MBD3: variants seen among roughly 807,000 people sequenced by gnomAD.
MBD3 encodes the protein methyl-CpG binding domain protein 3.
Under a neutral mutation model 31.2 loss-of-function variants are expected in MBD3, and 13 were observed. The ratio of observed to expected loss-of-function variants is 0.42; its 90% CI spans 0.27 to 0.66. The LOEUF is 0.66. MBD3 is among the 30% of genes least tolerant of loss of function. The pLI is 0.26. For synonymous variants in MBD3, 223 were observed against 187.4 expected (o/e 1.19, Z -1.55); for missense variants, 440 against 426.5 (o/e 1.03, Z -0.28).
At position 1,582,626 on chromosome 19, in the gene MBD3, C is replaced by A. The variant is rs147621615; in HGVS notation, c.495G>T (p.Leu165=). 7.4e-6 allele frequency: 12 copies of A among 1,613,760 alleles called. No individual in the cohort carries two copies. The highest frequency in any genetic ancestry group is 1.0e-5 in the Non-Finnish European group (12 of 1,179,958). ...LVKTMDLPKG[L]QGVGPGCTDE... ...CCCCTCAGGGTGCCCGCTCACCCTG[C>A]AGGCCCTTGGGGAGGTCCATGGTCT... The change falls in exon 4 of 7, where the codon CTG becomes CTT. Residue 165 remains leucine, a synonymous_variant. Coordinates refer to ENST00000434436, the MANE Select transcript of MBD3 (RefSeq NM_001281453.2).
In MBD3 at chr19:1,578,268, CT is replaced by C; in HGVS notation, c.*5+66del. 1 of 1,595,508 alleles carries C rather than the reference CT, an allele frequency of 6.3e-7. No homozygotes were observed. Among genetic ancestry groups the C allele is most frequent in the Admixed American group, 1.7e-5 (1 of 59,934 alleles). ...GAGGCACCCGTCATCCCAAGCACAT[CT>C]GTGTTCACCAGGCAGTCCCCACTGC... is the stretch of plus-strand genomic sequence containing the variant. On this transcript the variant is annotated intron_variant, in intron 6 of 6. Transcript: ENST00000434436. The surrounding 1 kb of genome is among the most constrained non-coding windows in gnomAD (Gnocchi z 6.1).
intron 3 of MBD3, chr19:1,583,524 G>C (rs948422579): frequency 2.6e-5 from 4 of 151,832 alleles, no homozygotes; most frequent in African/African-American, 9.7e-5. Flanking sequence ...CACCCAACCA[G>C]CGGCAGACTG....
intron 1 of MBD3, among the ~76,000 whole-genome samples, chr19:1,587,394 C>T (rs1415866358): frequency 6.6e-6 from 1 of 151,888 alleles, no homozygotes; most frequent in Admixed American, 6.6e-5. Context: ...TCATCACGCC[C>T]TGCTGCTTCA....
At chr19:1,579,880 CCCGAGTACCTGGGA>C (rs1304663037) in intron 5 of MBD3, among the ~76,000 whole-genome samples, 1 of 152,226 alleles carries the variant, frequency 6.6e-6, no homozygotes, top group Non-Finnish European at 1.5e-5. Flanking sequence ...GCCTCAGCCT[CCCGAGTACCTGGGA>C]CTACAGGCAT....
At chr19:1,580,033 C>T (rs1488546843) in intron 5 of MBD3, among the ~76,000 whole-genome samples, 3 of 152,258 alleles carry the variant, frequency 2.0e-5, no homozygotes, top group South Asian at 4.1e-4. Context: ...GCTGGGATTA[C>T]AGGCGTCAGC....
chr19:1,585,325 GC>G lies in MBD3; in HGVS notation c.111-112del. ...GCCCCAGCTTCAGGTCGCGACCCCA[GC>G]CCCAGACCCCAACACGGCCCTGACC... On this transcript the variant is annotated intron_variant, in intron 1 of 6. Transcript: ENST00000434436. This position sits in a 1 kb window ranked among gnomAD's most constrained non-coding sequence, Gnocchi z 4.1. The G allele has an allele frequency of 7.9e-7, 1 of 1,258,756 alleles. No homozygotes were observed. Among genetic ancestry groups the G allele is most frequent in the Non-Finnish European group, 1.1e-6 (1 of 914,554 alleles). 78.0% of individuals were successfully genotyped at this position (1,258,756 alleles called of 1,614,324 possible).
chr19:1,584,791 C>G (rs1396865926), intron 2 of MBD3, 114 bp from the exon 3 acceptor site: 5 of 1,164,470 alleles, frequency 4.3e-6, no homozygotes, highest in Admixed American at 6.1e-5. Flanking sequence ...GTGTCCCCCG[C>G]GCCCGCCAGG....
At chr19:1,579,800 ACT>A (rs1292587541) in intron 5 of MBD3, among the ~76,000 whole-genome samples, 4 of 151,694 alleles carry the variant, frequency 2.6e-5, no homozygotes, top group Admixed American at 2.6e-4. Context: ...TATTTTTTTA[ACT>A]CTGTCACCCA....
chr19:1,584,549 C>T lies in MBD3; in HGVS notation c.399G>A (p.Gln133=), dbSNP rs1475276865. ...VKSDPQKAVD[Q]PRQLFWEKKL... ...TGTGCGTTGAGCTCACCTGGCGCGG[C>T]TGGTCCACCGCCTTCTGCGGGTCGC... The change falls in exon 3 of 7, where the codon CAG becomes CAA. Residue 133 remains glutamine, a synonymous_variant. Coordinates refer to ENST00000434436, the MANE Select transcript of MBD3 (RefSeq NM_001281453.2). 6.2e-7 allele frequency: 1 copy of T among 1,613,404 alleles called. No individual in the cohort carries two copies. The highest frequency in any genetic ancestry group is 8.5e-7 in the Non-Finnish European group (1 of 1,179,882).
Position 1,585,716 on chromosome 19 carries a change from G to T in MBD3, c.111-502C>A, listed in dbSNP as rs1599345866. 6.6e-6 allele frequency among the ~76,000 whole-genome samples: 1 copy of T among 152,218 alleles called. No homozygotes were observed. Among genetic ancestry groups the T allele is most frequent in the African/African-American group, 2.4e-5 (1 of 41,454 alleles). On this transcript the variant is annotated intron_variant, in intron 1 of 6. Transcript: ENST00000434436. This position sits in a 1 kb window ranked among gnomAD's most constrained non-coding sequence, Gnocchi z 4.1. ...CATGGAATTTAGGTCACATTCTTGA[G>T]AAAAGACCCCACGGAGAACAGGTAT...
intron 5 of MBD3, among the ~76,000 whole-genome samples, chr19:1,580,055 G>C (rs1416537586): frequency 1.3e-5 from 2 of 152,234 alleles, no homozygotes; most frequent in African/African-American, 2.4e-5. Flanking sequence ...ACTGTGCCCG[G>C]CCTTATTTCT....
At chr19:1,583,007 C>T (rs2060660152) in intron 3 of MBD3, among the ~76,000 whole-genome samples, 1 of 151,962 alleles carries the variant, frequency 6.6e-6, no homozygotes, top group Non-Finnish European at 1.5e-5. Flanking sequence ...AGTTTGAGAC[C>T]AGCCTGGTCA....
intron 5 of MBD3, 90 bp downstream of exon 5, chr19:1,581,002 C>T (rs558781901): frequency 5.1e-5 from 76 of 1,502,212 alleles, no homozygotes; most frequent in Admixed American, 2.1e-4. Context: ...CGTGGGGAGA[C>T]GGGAAGCACG....
rs1307120839 is a variant in MBD3, at chr19:1,578,501, G to A, written c.715C>T (p.Leu239=). Residue 239 remains leucine, a synonymous_variant, in exon 6 of 7, where the codon CTG becomes TTG. Coordinates refer to ENST00000434436, the MANE Select transcript of MBD3 (RefSeq NM_001281453.2). The surrounding 1 kb of genome is among the most constrained non-coding windows in gnomAD (Gnocchi z 6.1). ...EELVQQVRKR[L]EEALMADMLA... is the part of the protein sequence containing the mutation. Reference sequence around the variant, plus strand: ...ATGTCGGCCATCAGCGCCTCCTCCAGCCGCTTCCGCACCTGCTGCACCAGC... The same window carrying A: ...ATGTCGGCCATCAGCGCCTCCTCCAACCGCTTCCGCACCTGCTGCACCAGC... 4 of 1,612,056 alleles carry A rather than the reference G, an allele frequency of 2.5e-6. No individual in the cohort carries two copies. The highest frequency in any genetic ancestry group is 3.4e-6 in the Non-Finnish European group (4 of 1,179,924).
rs1915170033 is a variant in MBD3, at chr19:1,574,766, C to T, written c.*3398G>A. ...AAGCTGGGGGTGTTTTCCATGGGCA[C>T]CTCCGGGCTCCTGGAGATTTGCTGT... is the stretch of plus-strand genomic sequence containing the variant. On this transcript the variant is annotated 3_prime_UTR_variant, in exon 7 of 7. Transcript: ENST00000434436. The T allele has an allele frequency of 6.4e-6, 1 of 157,176 alleles. No homozygotes were observed. Among genetic ancestry groups the T allele is most frequent in the Admixed American group, 6.3e-5 (1 of 15,818 alleles). The allele number at this position is 157,176 out of a possible 1,614,324, so 9.7% of individuals were successfully genotyped here.
chr19:1,580,843 G>A (rs547454657), intron 5 of MBD3, among the ~76,000 whole-genome samples: 24 of 152,278 alleles, frequency 1.6e-4, no homozygotes, highest in African/African-American at 4.6e-4. Context: ...CAGTCCTCAC[G>A]GACTCAAAGG....
At chr19:1,589,231 C>T (rs575204413) in intron 1 of MBD3, among the ~76,000 whole-genome samples, 8 of 149,362 alleles carry the variant, frequency 5.4e-5, no homozygotes, top group African/African-American at 7.4e-5. Flanking sequence ...GCTGGGAGGC[C>T]GAGGCAGGAG....
At chr19:1,588,758 G>A (rs915541822) in intron 1 of MBD3, among the ~76,000 whole-genome samples, 11 of 130,330 alleles carry the variant, frequency 8.4e-5, no homozygotes, top group Non-Finnish European at 1.2e-4. Flanking sequence ...CAGCCTGGGC[G>A]ACAGAGCAAG....
intron 1 of MBD3, among the ~76,000 whole-genome samples, chr19:1,587,690 G>A (rs1037079056): frequency 3.9e-5 from 6 of 152,188 alleles, no homozygotes; most frequent in African/African-American, 1.4e-4. Flanking sequence ...GATTATAGGC[G>A]GCAGCCACTA....
Sources: allele counts gnomAD v4.1 joint callset (sites outside exome capture counted in the v4.1 genomes callset), GRCh38; gene constraint gnomAD v4.1.1; non-coding constraint Gnocchi (gnomAD v3.1); transcripts MANE v1.5; gene names NCBI Gene and HGNC (gene_info 2026-07-23, HGNC 2026-07-21).